Variants in E2F6 observed in about 807,000 individuals in gnomAD.
E2F6 encodes the protein E2F transcription factor 6.
A neutral mutation model predicts 31.5 loss-of-function variants in E2F6; 19 were observed. The ratio of observed to expected loss-of-function variants is 0.60; its 90% CI spans 0.42 to 0.89. The LOEUF (loss-of-function observed/expected upper bound fraction) is 0.89. E2F6 is among the 40% of genes least tolerant of loss of function. E2F6 has a pLI of 0.00. For synonymous variants in E2F6, 121 were observed against 127.7 expected (o/e 0.95, Z 0.36); for missense variants, 269 against 341.6 (o/e 0.79, Z 1.67).
At chr2:11,465,465 G>T (rs538688811) in intron 1 of E2F6, among the ~76,000 whole-genome samples, 1 of 152,202 alleles carries the variant, frequency 6.6e-6, no homozygotes, top group Non-Finnish European at 1.5e-5. Context: ...CAAATGATAG[G>T]TTGCAGAGAT....
chr2:11,450,213 T>C, intron 4 of E2F6, 87 bp from the exon 5 acceptor site: 1 of 776,440 alleles, frequency 1.3e-6, no homozygotes, highest in Admixed American at 2.8e-5. Context: ...GCAAGGGTAA[T>C]GTTAGAATGT....
chr2:11,454,365 T>C (rs956566781), intron 2 of E2F6, among the ~76,000 whole-genome samples: 2 of 151,894 alleles, frequency 1.3e-5, no homozygotes, highest in Non-Finnish European at 2.9e-5. Flanking sequence ...TTTTTTTTTT[T>C]TTTGAGAGAG....
chr2:11,455,520 A>T (rs764252302), intron 2 of E2F6: 4 of 1,240,288 alleles, frequency 3.2e-6, no homozygotes, highest in Non-Finnish European at 4.3e-6. Flanking sequence ...AGGATTTTTA[A>T]TCGGAAGTAG....
chr2:11,444,680 C>T lies in E2F6; in HGVS notation c.*1797G>A, dbSNP rs991243620. 2 of 150,008 alleles carry T rather than the reference C, an allele frequency of 1.3e-5. No homozygotes were observed. Among genetic ancestry groups the T allele is most frequent in the African/African-American group, 4.9e-5 (2 of 40,938 alleles). 9.3% of individuals were successfully genotyped at this position (150,008 alleles called of 1,614,324 possible). On this transcript the variant is annotated 3_prime_UTR_variant, in exon 7 of 7. Coordinates refer to ENST00000381525, the MANE Select transcript of E2F6 (RefSeq NM_198256.4). ...TGTACTCTTTAGATGACCTCTCCTA[C>T]TCTTGTGGCTTAAACTATCGCATCT... is the stretch of plus-strand genomic sequence containing the variant.
In E2F6 at chr2:11,466,110, C is replaced by A. The variant is rs1366100528; in HGVS notation, c.-231G>T. 6.1e-6 allele frequency: 3 copies of A among 488,176 alleles called. No individual in the cohort carries two copies. The East Asian group carries it at 1.1e-4, about 18-fold the overall frequency. 30.2% of individuals were successfully genotyped at this position (488,176 alleles called of 1,614,324 possible). Reference sequence around the variant, plus strand: ...GCAGACGGAAAAAGAGGAGGGAGACCCGCGGATCTCAAGTCGCCCGGCCCG... The same window carrying A: ...GCAGACGGAAAAAGAGGAGGGAGACACGCGGATCTCAAGTCGCCCGGCCCG... On this transcript the variant is annotated 5_prime_UTR_variant, in exon 1 of 7. Transcript: ENST00000381525.
At chr2:11,456,868 C>T (rs1671438523) in intron 2 of E2F6, 1 of 307,788 alleles carries the variant, frequency 3.2e-6, no homozygotes, top group African/African-American at 2.3e-5. Flanking sequence ...CATCCTATCG[C>T]CTCTAACAGA....
Position 11,451,716 on chromosome 2 carries a change from C to T in E2F6, c.471G>A (p.Leu157=). ...LSDLSAMEDA[L]DELIKDCAQQ... is the part of the protein sequence containing the mutation. The stretch of plus-strand genomic sequence containing the variant: ...GAGCACAATCCTTAATTAACTCATC[C>T]AAAGCATCTTCCATTGCTGATAAGT... Residue 157 remains leucine (L), a synonymous_variant, in exon 4 of 7, where the codon TTG becomes TTA. Transcript: ENST00000381525. The T allele has an allele frequency of 1.9e-6, 3 of 1,610,674 alleles. No individual in the cohort carries two copies. The highest frequency in any genetic ancestry group is 2.5e-6 in the Non-Finnish European group (3 of 1,178,036).
chr2:11,465,551 T>C lies in E2F6; in HGVS notation c.108+221A>G, dbSNP rs1672112556. On this transcript the variant is annotated intron_variant, in intron 1 of 6. Coordinates refer to ENST00000381525, the MANE Select transcript of E2F6 (RefSeq NM_198256.4). ...TGAGCAATTTTCTCCAACAGTGCTC[T>C]GAAGTTCCGATGTAAAAGCCTAGAA... 2.0e-5 allele frequency among the ~76,000 whole-genome samples: 3 copies of C among 152,226 alleles called. No individual in the cohort carries two copies. The South Asian group carries it at 6.2e-4, about 32-fold the overall frequency.
intron 5 of E2F6, among the ~76,000 whole-genome samples, chr2:11,448,959 G>A (rs577932881): frequency 1.3e-5 from 2 of 152,344 alleles, no homozygotes; most frequent in African/African-American, 2.4e-5. Context: ...TTCACGGTCA[G>A]GCTCTGGCCA....
At chr2:11,458,864 A>C (rs4491705) in intron 1 of E2F6, among the ~76,000 whole-genome samples, 121,335 of 152,132 alleles carry the variant, frequency 0.8, 49,004 homozygotes, top group African/African-American at 0.94. Flanking sequence ...AGGGCATGCA[A>C]CACTGGAGCT....
chr2:11,466,154 A>G lies in E2F6; in HGVS notation c.-275T>C. ...CGGCCCGCCATCTTCCCGCATGCGCAGTACACCGCCCCCCTCTGCGCATGC... is the reference window on the plus strand; with the variant it reads ...CGGCCCGCCATCTTCCCGCATGCGCGGTACACCGCCCCCCTCTGCGCATGC... On this transcript the variant is annotated 5_prime_UTR_variant, in exon 1 of 7. Coordinates refer to ENST00000381525, the MANE Select transcript of E2F6 (RefSeq NM_198256.4). 2.4e-6 allele frequency: 1 copy of G among 416,016 alleles called. No individual in the cohort carries two copies. The allele number at this position is 416,016 out of a possible 1,614,324, so 25.8% of individuals were successfully genotyped here. A position where few individuals can be genotyped will look rare whatever the true frequency, so the allele number is the denominator to read the frequency against.
intron 1 of E2F6, among the ~76,000 whole-genome samples, chr2:11,458,938 G>A (rs1021981683): frequency 2.0e-5 from 3 of 152,146 alleles, no homozygotes; most frequent in Non-Finnish European, 4.4e-5. Flanking sequence ...TGCTGACAAT[G>A]GTGACTTGCA....
intron 2 of E2F6, chr2:11,455,402 C>A (rs1445669993): frequency 7.8e-7 from 1 of 1,277,302 alleles, no homozygotes; most frequent in African/African-American, 1.6e-5. Flanking sequence ...TTAAAGACCA[C>A]TGGCGGTTAC....
At chr2:11,462,986 T>C (rs1463410456) in intron 1 of E2F6, among the ~76,000 whole-genome samples, 1 of 152,196 alleles carries the variant, frequency 6.6e-6, no homozygotes, top group Non-Finnish European at 1.5e-5. Context: ...AGGAGATTTA[T>C]AGATTTGGGA....
chr2:11,453,661 G>A lies in E2F6; in HGVS notation c.301C>T (p.Arg101Trp). ...ACATTGGTGATGTCATACACTCTCCGCTTTCGGACTCCCAGTTTCGTTGCA... is the reference window on the plus strand; with the variant it reads ...ACATTGGTGATGTCATACACTCTCCACTTTCGGACTCCCAGTTTCGTTGCA... ...KVATKLGVRK[R>W]RVYDITNVLD... Residue 101 changes from arginine to tryptophan, a missense_variant, in exon 3 of 7, where the codon CGG becomes TGG. Physicochemically the swap from Arg to Trp is moderately radical, Grantham distance 101 (BLOSUM62 -3). Transcript: ENST00000381525. 6.2e-7 allele frequency: 1 copy of A among 1,614,128 alleles called. No individual in the cohort carries two copies. The highest frequency in any genetic ancestry group is 8.5e-7 in the Non-Finnish European group (1 of 1,180,036).
In E2F6 at chr2:11,445,676, TCC is replaced by T. The variant is rs1670671818; in HGVS notation, c.*799_*800del. On this transcript the variant is annotated 3_prime_UTR_variant, in exon 7 of 7. Coordinates refer to ENST00000381525, the MANE Select transcript of E2F6 (RefSeq NM_198256.4). ...CAGCTATTTCCTGATGGCATTTCTA[TCC>T]TTGCCCCCAAAGCCACTGGGCATGC... 1 of 152,216 alleles carries T rather than the reference TCC, an allele frequency of 6.6e-6. No individual in the cohort carries two copies. Among genetic ancestry groups the T allele is most frequent in the African/African-American group, 2.4e-5 (1 of 41,460 alleles). The allele number at this position is 152,216 out of a possible 1,614,324, so 9.4% of individuals were successfully genotyped here.
chr2:11,452,794 T>C (rs527727783), intron 3 of E2F6, among the ~76,000 whole-genome samples: 3 of 152,356 alleles, frequency 2.0e-5, no homozygotes, highest in African/African-American at 7.2e-5. Flanking sequence ...TCACAATGCA[T>C]GCCGATATAA....
intron 1 of E2F6, among the ~76,000 whole-genome samples, chr2:11,457,624 AAAAAC>A (rs1301766943): frequency 2.0e-5 from 3 of 152,204 alleles, no homozygotes; most frequent in Non-Finnish European, 2.9e-5. Context: ...CTCCGTCTCA[AAAAAC>A]AAAACAAAAC....
At chr2:11,464,189 G>A (rs1426935977) in intron 1 of E2F6, among the ~76,000 whole-genome samples, 1 of 151,970 alleles carries the variant, frequency 6.6e-6, no homozygotes, top group Non-Finnish European at 1.5e-5. Context: ...CCCCAGCAGT[G>A]GGTTGGCTGG....
Sources: gnomAD v4.1 joint callset for allele counts (sites outside exome capture counted in the v4.1 genomes callset) on GRCh38, gnomAD v4.1.1 for gene constraint, MANE v1.5 for transcripts, NCBI Gene and HGNC (gene_info 2026-07-23, HGNC 2026-07-21) for gene names.